RDH13: variants seen among roughly 807,000 people sequenced by gnomAD.
RDH13 encodes the protein retinol dehydrogenase 13, also known as retinol dehydrogenase 13 (all-trans and 9-cis).
A neutral mutation model predicts 28.3 loss-of-function variants in RDH13; 35 were observed. The ratio of observed to expected loss-of-function variants is 1.24; its 90% CI spans 0.95 to 1.64. RDH13 has a LOEUF of 1.64. Ranked by LOEUF, RDH13 falls within the 40% of genes most tolerant of loss-of-function variation. RDH13 has a pLI of 0.00. For missense variants in RDH13, 514 were observed against 446.3 expected, an observed-to-expected ratio of 1.15 and a Z score of -1.37; for synonymous variants, 229 against 198.5, an observed-to-expected ratio of 1.15 and a Z score of -1.29.
At chr19:55,063,154 C>G, upstream of RDH13, 1 of 911,172 alleles carries the variant, frequency 1.1e-6, no homozygotes, top group Non-Finnish European at 1.5e-6. Context: ...GGCGCAGGCG[C>G]GGCTGGGCCC....
intron 5 of RDH13, chr19:55,048,022 A>G (rs1568689329): frequency 3.5e-6 from 5 of 1,424,962 alleles, no homozygotes; most frequent in East Asian, 2.7e-5. Flanking sequence ...CTGCGGGTCA[A>G]AACTGCCCCT....
At chr19:55,063,747 C>A, upstream of RDH13, 1 of 153,802 alleles carries the variant, frequency 6.5e-6, no homozygotes, top group South Asian at 1.8e-4. Context: ...GGGCCTGATT[C>A]ATTCCCAAAT....
chr19:55,052,864 G>T (rs549799344), intron 3 of RDH13, among the ~76,000 whole-genome samples: 1 of 151,760 alleles, frequency 6.6e-6, no homozygotes, highest in African/African-American at 2.4e-5. Context: ...GGGTTTCACC[G>T]TGTTGGCCAG....
At chr19:55,060,127 G>A (rs1292323868) in intron 1 of RDH13, among the ~76,000 whole-genome samples, 4 of 149,100 alleles carry the variant, frequency 2.7e-5, no homozygotes, top group African/African-American at 7.4e-5. Context: ...CCCGTAAAGG[G>A]TCTGTGCTGA....
At chr19:55,056,552 A>C in intron 3 of RDH13, 101 bp downstream of exon 3, 4 of 1,446,930 alleles carry the variant, frequency 2.8e-6, no homozygotes, top group Non-Finnish European at 3.7e-6. Flanking sequence ...TAGTTTGCCA[A>C]AACTCTGCTC....
intron 1 of RDH13, 145 bp downstream of exon 1, chr19:55,062,823 G>T: frequency 1.5e-6 from 1 of 660,530 alleles, no homozygotes; most frequent in Non-Finnish European, 2.3e-6. Context: ...CCAGAGCGCA[G>T]GTTTGCCCCA....
In RDH13 at chr19:55,060,665, T is replaced by TGTGGAGGGGCAGGCCACCCCTTCACAGGC. The variant is rs1305346883; in HGVS notation, c.66-1419_66-1391dup. On this transcript the variant is annotated intron_variant, in intron 1 of 6. Coordinates refer to ENST00000415061, the MANE Select transcript of RDH13 (RefSeq NM_001145971.2). Reference sequence around the variant, plus strand: ...CCACCCAACTAGAAATACCCACAGGTGTGGAGGGGCAGGCCACCCCTTCAC... The same window carrying TGTGGAGGGGCAGGCCACCCCTTCACAGGC: ...CCACCCAACTAGAAATACCCACAGGTGTGGAGGGGCAGGCCACCCCTTCACAGGCGTGGAGGGGCAGGCCACCCCTTCAC... Among the ~76,000 whole-genome samples the TGTGGAGGGGCAGGCCACCCCTTCACAGGC allele has an allele frequency of 2.0e-5, 3 of 152,076 alleles. No individual in the cohort carries two copies. In the East Asian group the frequency reaches 5.8e-4, roughly 29 times the overall value.
intron 6 of RDH13, 36 bp from the exon 7 acceptor site, chr19:55,045,345 G>A (rs770840620): frequency 2.1e-5 from 32 of 1,529,884 alleles, no homozygotes; most frequent in African/African-American, 1.4e-4. Flanking sequence ...GTCCACACTC[G>A]CTCAGAGAGA....
In RDH13 at chr19:55,051,555, C is replaced by T. The variant is rs56957959; in HGVS notation, c.341-2792G>A. On this transcript the variant is annotated intron_variant, in intron 3 of 6. Coordinates refer to ENST00000415061, the MANE Select transcript of RDH13 (RefSeq NM_001145971.2). ...AGGCGATTCTGCTGCCTCAGCCTCC[C>T]GAGTACTGGGATTACAGGTGCCCGC... Among the ~76,000 whole-genome samples, 555 of 126,702 alleles carry T rather than the reference C, an allele frequency of 4.4e-3. 4 individuals carry two copies. Among genetic ancestry groups the T allele is most frequent in the African/African-American group, 0.015 (521 of 34,384 alleles). The allele number at this position is 126,702 out of a possible 152,430, so 83.1% of individuals were successfully genotyped here. A position where few individuals can be genotyped will look rare whatever the true frequency, so the allele number is the denominator to read the frequency against.
upstream of RDH13, among the ~76,000 whole-genome samples, chr19:55,065,408 C>G: frequency 6.6e-6 from 1 of 151,140 alleles, no homozygotes; most frequent in Non-Finnish European, 1.5e-5. Context: ...TAAATGTTTA[C>G]ATTTAATAAC....
At chr19:55,051,736 T>C (rs116885837) in intron 3 of RDH13, among the ~76,000 whole-genome samples, 1,780 of 151,430 alleles carry the variant, frequency 0.012, 18 homozygotes, top group Non-Finnish European at 0.017. Flanking sequence ...CCTGTTTTTT[T>C]TTTTTTCTTT....
downstream of RDH13, chr19:55,041,962 G>A (rs1370434779): frequency 6.6e-6 from 1 of 152,052 alleles, no homozygotes; most frequent in Non-Finnish European, 1.5e-5. Flanking sequence ...AATGAAGATA[G>A]AGCACTTCCA....
chr19:55,058,750 T>A (rs947124234), intron 2 of RDH13, among the ~76,000 whole-genome samples: 2 of 152,268 alleles, frequency 1.3e-5, no homozygotes, highest in South Asian at 4.1e-4. Context: ...GCGCCATCTC[T>A]GCTCACTGCA....
chr19:55,061,523 C>T lies in RDH13; in HGVS notation c.65+1445G>A, dbSNP rs148895993. The stretch of plus-strand genomic sequence containing the variant: ...ACTACAAGGCAGGACCGGCACAGTG[C>T]CTCACACCTGTAATCCCAGCACTTT... On this transcript the variant is annotated intron_variant, in intron 1 of 6. Transcript: ENST00000415061. 9.9e-3 allele frequency among the ~76,000 whole-genome samples: 1,506 copies of T among 152,128 alleles called. 41 individuals carry two copies. Among genetic ancestry groups the T allele is most frequent in the African/African-American group, 0.034 (1,423 of 41,500 alleles).
At chr19:55,050,127 G>A (rs532733748) in intron 3 of RDH13, among the ~76,000 whole-genome samples, 3 of 36,116 alleles carry the variant, frequency 8.3e-5, no homozygotes, top group Non-Finnish European at 2.2e-4. Context: ...TTTTTTTTTG[G>A]GGGGGGGAGA....
intron 3 of RDH13, among the ~76,000 whole-genome samples, chr19:55,049,873 T>TCA (rs924283790): frequency 4.6e-5 from 7 of 150,816 alleles, no homozygotes; most frequent in Admixed American, 2.0e-4. Flanking sequence ...CTCAGGGCCC[T>TCA]CAGGGAGGAT....
At chr19:55,043,111 G>C (rs1415873231), downstream of RDH13, 1 of 152,288 alleles carries the variant, frequency 6.6e-6, no homozygotes, top group East Asian at 1.9e-4. Flanking sequence ...GCATCGGAAA[G>C]AAAACTAAGG....
At chr19:55,050,015 T>C (rs2075376490) in intron 3 of RDH13, among the ~76,000 whole-genome samples, 2 of 151,626 alleles carry the variant, frequency 1.3e-5, no homozygotes, top group South Asian at 4.2e-4. Context: ...TCAGACATGG[T>C]CTCACTATGT....
At chr19:55,064,848 G>C (rs1258219714), upstream of RDH13, among the ~76,000 whole-genome samples, 3 of 149,430 alleles carry the variant, frequency 2.0e-5, no homozygotes, top group Non-Finnish European at 4.4e-5. Context: ...CCTGACCTCA[G>C]GTGATCCACC....
Sources: gnomAD v4.1 joint callset for allele counts (sites outside exome capture counted in the v4.1 genomes callset) on GRCh38, gnomAD v4.1.1 for gene constraint, MANE v1.5 for transcripts, NCBI Gene and HGNC (gene_info 2026-07-23, HGNC 2026-07-21) for gene names.